The following DPM1 variants were observed in gnomAD, a reference collection of about 807,000 sequenced individuals.
DPM1 encodes the protein dolichyl-phosphate mannosyltransferase subunit 1, catalytic.
A neutral mutation model predicts 39.0 loss-of-function variants in DPM1; 27 were observed. That is an observed-to-expected ratio of 0.69 (90% CI 0.51 to 0.95). The LOEUF is 0.95. Among genes scored for constraint, DPM1 ranks in the 40% least tolerant of loss-of-function variants. DPM1 has a pLI of 0.00. For synonymous variants in DPM1, 124 were observed against 109.0 expected (o/e 1.14, Z -0.86); for missense variants, 307 against 315.6 (o/e 0.97, Z 0.21).
chr20:50,942,375 G>A (rs935915906), intron 5 of DPM1, among the ~76,000 whole-genome samples: 2 of 152,162 alleles, frequency 1.3e-5, no homozygotes, highest in South Asian at 2.1e-4. Context: ...GCGCGGTGGC[G>A]GGTGCCTGTA....
At chr20:50,958,226 G>A in intron 1 of DPM1, 137 bp downstream of exon 1, 1 of 1,108,366 alleles carries the variant, frequency 9.0e-7, no homozygotes, top group Non-Finnish European at 1.3e-6. Flanking sequence ...TTCCCTCGCA[G>A]GGTGGCCCTC....
At chr20:50,941,248 A>ATG (rs1289036978) in intron 6 of DPM1, 1 of 172,098 alleles carries the variant, frequency 5.8e-6, no homozygotes, top group Non-Finnish European at 1.1e-5. Flanking sequence ...ATATATATAT[A>ATG]TATATATATA....
intron 7 of DPM1, among the ~76,000 whole-genome samples, chr20:50,937,938 A>G (rs1339763102): frequency 6.6e-6 from 1 of 152,082 alleles, no homozygotes; most frequent in Non-Finnish European, 1.5e-5. Flanking sequence ...CTGGCCTCCC[A>G]AAAGTGCTGG....
intron 7 of DPM1, among the ~76,000 whole-genome samples, chr20:50,938,036 C>T (rs1419983245): frequency 6.6e-6 from 1 of 152,054 alleles, no homozygotes; most frequent in African/African-American, 2.4e-5. Context: ...TTAAGAGTTG[C>T]TTTATTCCCC....
rs571140475 is a variant in DPM1, at chr20:50,950,198, A to G, written c.262-1536T>C. Among the ~76,000 whole-genome samples, 8 of 152,350 alleles carry G rather than the reference A, an allele frequency of 5.3e-5. No homozygotes were observed. The South Asian group carries it at 1.7e-3, about 32-fold the overall frequency. ...AGTGATAACAGGCTATTTTAAGCTG[A>G]TAACAATCTAACTCTAACTGCTAAA... On this transcript the variant is annotated intron_variant, in intron 2 of 8. Coordinates refer to ENST00000371588, the MANE Select transcript of DPM1 (RefSeq NM_003859.3).
At chr20:50,943,473 CCT>C (rs1986041123) in intron 5 of DPM1, among the ~76,000 whole-genome samples, 1 of 151,126 alleles carries the variant, frequency 6.6e-6, no homozygotes, top group South Asian at 2.1e-4. Context: ...GATTCTCCTG[CCT>C]CAGCCTCCCA....
intron 5 of DPM1, among the ~76,000 whole-genome samples, chr20:50,945,480 A>T (rs1986225956): frequency 6.6e-6 from 1 of 152,116 alleles, no homozygotes; most frequent in African/African-American, 2.4e-5. Context: ...AGCTGGGACT[A>T]CAGGCGCATG....
chr20:50,935,734 A>G (rs1401719391), intron 8 of DPM1, among the ~76,000 whole-genome samples: 1 of 152,182 alleles, frequency 6.6e-6, no homozygotes, highest in Non-Finnish European at 1.5e-5. Flanking sequence ...AGCCCTAAAT[A>G]TTACAGATCA....
intron 2 of DPM1, 43 bp downstream of exon 2, chr20:50,955,143 A>G (rs780353015): frequency 2.9e-6 from 4 of 1,393,852 alleles, no homozygotes; most frequent in South Asian, 1.2e-5. Context: ...TTTCCCCTAC[A>G]TAATCACAAT....
At chr20:50,954,821 G>A (rs1046328449) in intron 2 of DPM1, among the ~76,000 whole-genome samples, 2 of 152,126 alleles carry the variant, frequency 1.3e-5, no homozygotes, top group African/African-American at 2.4e-5. Context: ...AATACTTACC[G>A]AAAGGGAGCA....
intron 8 of DPM1, 146 bp from the exon 9 acceptor site, chr20:50,935,382 G>C: frequency 1.6e-6 from 1 of 633,986 alleles, no homozygotes; most frequent in Non-Finnish European, 2.8e-6. Context: ...GATTATGAAA[G>C]CAACTGTGTG....
intron 7 of DPM1, among the ~76,000 whole-genome samples, 168 bp downstream of exon 7, chr20:50,940,697 C>A (rs912394974): frequency 6.6e-6 from 1 of 152,180 alleles, no homozygotes; most frequent in African/African-American, 2.4e-5. Flanking sequence ...CACAATATGT[C>A]TCCTTGAGAT....
At chr20:50,943,368 TG>T (rs1460316200) in intron 5 of DPM1, among the ~76,000 whole-genome samples, 1 of 152,154 alleles carries the variant, frequency 6.6e-6, no homozygotes, top group African/African-American at 2.4e-5. Flanking sequence ...TGTTTTGTTT[TG>T]TTTTTTTTTG....
rs1985025536 is a variant in DPM1 at position 50,935,040 on chromosome 20, ATACTTT to A, written c.*86_*91del. 1.3e-6 allele frequency: 1 copy of A among 747,390 alleles called. No homozygotes were observed. The highest frequency in any genetic ancestry group is 1.6e-5 in the South Asian group (1 of 63,178). 46.3% of individuals were successfully genotyped at this position (747,390 alleles called of 1,614,324 possible). The stretch of plus-strand genomic sequence containing the variant: ...TGAAATTTACCTTACCTTATATTTT[ATACTTT>A]AAGAGTACATTTTATACAAATCAGT... On this transcript the variant is annotated 3_prime_UTR_variant, in exon 9 of 9. Transcript: ENST00000371588.
chr20:50,934,864 C>T (rs889317470), downstream of DPM1: 1 of 264,718 alleles, frequency 3.8e-6, no homozygotes, highest in Non-Finnish European at 7.2e-6. Flanking sequence ...ATGAAGGCAG[C>T]AATACTTTAT....
chr20:50,952,238 A>C (rs1269381339), intron 2 of DPM1, among the ~76,000 whole-genome samples: 8 of 152,278 alleles, frequency 5.3e-5, no homozygotes. Flanking sequence ...ACAGCTGCTT[A>C]TAAAATACTT....
At chr20:50,940,330 G>T (rs1985618180) in intron 7 of DPM1, among the ~76,000 whole-genome samples, 1 of 151,820 alleles carries the variant, frequency 6.6e-6, no homozygotes. Flanking sequence ...ATTTGCCATG[G>T]TCAGTCACAC....
At chr20:50,947,226 C>T (rs1986340985) in intron 3 of DPM1, among the ~76,000 whole-genome samples, 1 of 152,074 alleles carries the variant, frequency 6.6e-6, no homozygotes, top group Non-Finnish European at 1.5e-5. Context: ...CAAAAATTAG[C>T]CGGGCATGGT....
At chr20:50,942,566 G>C (rs1295590582) in intron 5 of DPM1, among the ~76,000 whole-genome samples, 1 of 152,076 alleles carries the variant, frequency 6.6e-6, no homozygotes, top group East Asian at 1.9e-4. Flanking sequence ...CTATTTGGGA[G>C]GCTGCAATGG....
Sources: allele counts gnomAD v4.1 joint callset (sites outside exome capture counted in the v4.1 genomes callset), GRCh38; gene constraint gnomAD v4.1.1; transcripts MANE v1.5; gene names NCBI Gene and HGNC (gene_info 2026-07-23, HGNC 2026-07-21).